TGFBR1: variants seen among roughly 807,000 people sequenced by gnomAD.
The protein encoded by TGFBR1 is transforming growth factor beta receptor 1.
TGFBR1 carries 20 observed loss-of-function variants against 55.1 expected under a neutral mutation model. The ratio of observed to expected loss-of-function variants is 0.36; its 90% CI spans 0.26 to 0.53. The LOEUF is 0.53. TGFBR1 is among the 20% of genes least tolerant of loss of function. TGFBR1 has a pLI of 0.91. For synonymous variants in TGFBR1, 220 were observed against 214.8 expected, an observed-to-expected ratio of 1.02 and a Z score of -0.21; for missense variants, 385 against 617.6, an observed-to-expected ratio of 0.62 and a Z score of 3.99.
intron 1 of TGFBR1, among the ~76,000 whole-genome samples, chr9:99,105,604 G>T (rs1826389097): frequency 6.6e-6 from 1 of 151,904 alleles, no homozygotes; most frequent in African/African-American, 2.4e-5. Flanking sequence ...CGAGGTCCGG[G>T]GCTGCCCTCT....
At chr9:99,114,094 G>A (rs1413332922) in intron 1 of TGFBR1, among the ~76,000 whole-genome samples, 1 of 152,120 alleles carries the variant, frequency 6.6e-6, no homozygotes, top group Non-Finnish European at 1.5e-5. Context: ...GCAGTATCTT[G>A]TTGCTCCTGT....
intron 4 of TGFBR1, 122 bp downstream of exon 4, chr9:99,138,211 C>G: frequency 2.4e-6 from 2 of 848,974 alleles, no homozygotes; most frequent in Non-Finnish European, 3.8e-6. Flanking sequence ...TAGATTAGAC[C>G]CATTAAGTCG....
rs1827955553 is a variant in TGFBR1, at chr9:99,150,583, G to C, written c.*1278G>C. On this transcript the variant is annotated 3_prime_UTR_variant, in exon 9 of 9. Transcript: ENST00000374994. Reference sequence around the variant, plus strand: ...AACGTTCGGTGGATCCTCTGTCTTTGTAACTGAGGTTAGAGCTAGTGTGGT... The same window carrying C: ...AACGTTCGGTGGATCCTCTGTCTTTCTAACTGAGGTTAGAGCTAGTGTGGT... The C allele has an allele frequency of 4.6e-6, 1 of 215,690 alleles. No individual in the cohort carries two copies. The highest frequency in any genetic ancestry group is 2.3e-5 in the African/African-American group (1 of 44,434). The allele number at this position is 215,690 out of a possible 1,614,324, so 13.4% of individuals were successfully genotyped here. A position where few individuals can be genotyped will look rare whatever the true frequency, so the allele number is the denominator to read the frequency against.
intron 6 of TGFBR1, among the ~76,000 whole-genome samples, chr9:99,145,443 G>T (rs1422053136): frequency 6.6e-6 from 1 of 152,142 alleles, no homozygotes; most frequent in Non-Finnish European, 1.5e-5. Context: ...GACCGTTGAG[G>T]CACTTATGCG....
At chr9:99,127,940 G>C in intron 1 of TGFBR1, 1 of 455,998 alleles carries the variant, frequency 2.2e-6, no homozygotes, top group Middle Eastern at 3.3e-4. Flanking sequence ...GACTAATACA[G>C]GTATCTGGCC....
chr9:99,129,761 A>G (rs1017467608), intron 2 of TGFBR1, among the ~76,000 whole-genome samples: 2 of 152,126 alleles, frequency 1.3e-5, no homozygotes, highest in Admixed American at 6.5e-5. Flanking sequence ...TTAGCTGGGC[A>G]TGGTGGCACA....
rs1827275113 is a variant in TGFBR1, at chr9:99,132,630, C to G, written c.465C>G (p.His155Gln). ...TCTGCCACAACCGCACTGTCATTCA[C>G]CATCGAGTGCCAAATGAAGAGGACC... ...VYICHNRTVIHHRVPNEEDPS... is the reference protein window; with the variant it reads ...VYICHNRTVIQHRVPNEEDPS... Residue 155 changes from histidine (H) to glutamine (Q), a missense_variant, in exon 3 of 9, where the codon CAC (histidine) becomes CAG (glutamine). By Grantham distance (24) the His-to-Gln change is conservative. Transcript: ENST00000374994. 1 of 1,614,186 alleles carries G rather than the reference C, an allele frequency of 6.2e-7. No individual in the cohort carries two copies. The highest frequency in any genetic ancestry group is 1.3e-5 in the African/African-American group (1 of 75,052).
At position 99,132,688 on chromosome 9, in the gene TGFBR1, A is replaced by T. The variant is rs201137894; in HGVS notation, c.523A>T (p.Thr175Ser). The T allele has an allele frequency of 1.9e-6, 3 of 1,614,162 alleles. No homozygotes were observed. The highest frequency in any genetic ancestry group is 2.5e-6 in the Non-Finnish European group (3 of 1,180,000). ...AGATCGCCCTTTTATTTCAGAGGGT[A>T]CTACGTTGAAAGACTTAATTTATGA... is the stretch of plus-strand genomic sequence containing the variant. ...SLDRPFISEGTTLKDLIYDMT... is the reference protein window; with the variant it reads ...SLDRPFISEGSTLKDLIYDMT... Residue 175 changes from threonine (T) to serine (S), a missense_variant, in exon 3 of 9, where the codon ACT becomes TCT. Physicochemically the swap from Thr to Ser is moderately conservative, Grantham distance 58 (BLOSUM62 1). Coordinates refer to ENST00000374994, the MANE Select transcript of TGFBR1 (RefSeq NM_004612.4).
intron 1 of TGFBR1, among the ~76,000 whole-genome samples, chr9:99,111,270 A>G (rs1275970607): frequency 6.9e-6 from 1 of 145,852 alleles, no homozygotes; most frequent in Non-Finnish European, 1.5e-5. Flanking sequence ...GCCATTATTA[A>G]CATTTGGCAT....
rs745324433 is a variant in TGFBR1, at chr9:99,132,692, C to T, written c.527C>T (p.Thr176Met). 23 of 1,614,090 alleles carry T rather than the reference C, an allele frequency of 1.4e-5. 2 individuals carry two copies. The highest frequency in any genetic ancestry group is 7.7e-5 in the South Asian group (7 of 91,078). The change falls in exon 3 of 9, where the codon ACG (threonine) becomes ATG (methionine). Residue 176 changes from threonine (T) to methionine (M), a missense_variant. Physicochemically the swap from Thr to Met is moderately conservative, Grantham distance 81. Around this residue, in one of 5 missense-constraint regions of TGFBR1, gnomAD observed 146 missense variants for 167.7 expected, o/e 0.87. Coordinates refer to ENST00000374994, the MANE Select transcript of TGFBR1 (RefSeq NM_004612.4). Reference protein sequence around the residue: ...LDRPFISEGTTLKDLIYDMTT... With the variant: ...LDRPFISEGTMLKDLIYDMTT... ...CGCCCTTTTATTTCAGAGGGTACTA[C>T]GTTGAAAGACTTAATTTATGATATG...
chr9:99,118,417 C>G (rs546835913), intron 1 of TGFBR1, among the ~76,000 whole-genome samples: 1 of 152,258 alleles, frequency 6.6e-6, no homozygotes, highest in South Asian at 2.1e-4. Context: ...GACAGTCATG[C>G]AACATTAAAT....
At position 99,146,587 on chromosome 9, in the gene TGFBR1, T is replaced by C; in HGVS notation, c.1233T>C (p.Ile411=). The C allele has an allele frequency of 6.2e-7, 1 of 1,613,976 alleles. No individual in the cohort carries two copies. The highest frequency in any genetic ancestry group is 1.7e-4 in the Middle Eastern group (1 of 6,056). ...CAATGGGCTTAGTATTCTGGGAAAT[T>C]GCTCGACGATGTTCCATTGGTGGTA... The part of the protein sequence containing the change: ...IYAMGLVFWE[I]ARRCSIGGIH... The change falls in exon 7 of 9, where the codon ATT becomes ATC. Residue 411 remains isoleucine, a synonymous_variant. Coordinates refer to ENST00000374994, the MANE Select transcript of TGFBR1 (RefSeq NM_004612.4).
Position 99,150,260 on chromosome 9 carries a change from T to G in TGFBR1, c.*955T>G, listed in dbSNP as rs1241290999. The G allele has an allele frequency of 5.1e-6, 1 of 194,422 alleles. No individual in the cohort carries two copies. Among genetic ancestry groups the G allele is most frequent in the Non-Finnish European group, 1.1e-5 (1 of 93,076 alleles). The allele number at this position is 194,422 out of a possible 1,614,324, so 12.0% of individuals were successfully genotyped here. ...TTAATTGTGTTGTCTAAGTATACTT[T>G]TAAAAAATCAAGTGGCACTCTAGAT... On this transcript the variant is annotated 3_prime_UTR_variant, in exon 9 of 9. Coordinates refer to ENST00000374994, the MANE Select transcript of TGFBR1 (RefSeq NM_004612.4).
intron 3 of TGFBR1, among the ~76,000 whole-genome samples, chr9:99,134,785 G>T: frequency 9.5e-6 from 1 of 105,676 alleles, no homozygotes; most frequent in African/African-American, 3.6e-5. Flanking sequence ...AGAAACAATG[G>T]AATAATTCTG....
intron 1 of TGFBR1, among the ~76,000 whole-genome samples, chr9:99,108,626 A>G (rs758178672): frequency 2.2e-4 from 33 of 152,050 alleles, no homozygotes; most frequent in Non-Finnish European, 3.5e-4. Flanking sequence ...GGATTTGATG[A>G]GTGTGAAAGT....
chr9:99,128,634 A>C, intron 1 of TGFBR1: 2 of 693,650 alleles, frequency 2.9e-6, no homozygotes, highest in Non-Finnish European at 5.0e-6. Flanking sequence ...ACCTGGGTCC[A>C]AATGTTGCTA....
At chr9:99,147,888 CT>C in intron 8 of TGFBR1, 104 bp downstream of exon 8, 1 of 1,387,680 alleles carries the variant, frequency 7.2e-7, no homozygotes, top group Non-Finnish European at 1.0e-6. Flanking sequence ...TAAGAATTTT[CT>C]TTTTCATAGC....
chr9:99,123,369 A>G (rs140186473), intron 1 of TGFBR1, among the ~76,000 whole-genome samples: 133 of 152,260 alleles, frequency 8.7e-4, no homozygotes, highest in African/African-American at 3.0e-3. Flanking sequence ...GGGCATGGAA[A>G]CAAAGTTGGA....
chr9:99,128,733 CAACA>C, intron 1 of TGFBR1, 118 bp from the exon 2 acceptor site: 1 of 1,335,446 alleles, frequency 7.5e-7, no homozygotes. Context: ...CTTCTAAGAG[CAACA>C]AACAGTGCAT....
Sources: gnomAD v4.1 joint callset for allele counts (sites outside exome capture counted in the v4.1 genomes callset) on GRCh38, gnomAD v4.1.1 for gene constraint, gnomAD v4.1.1 regional missense constraint, MANE v1.5 for transcripts, NCBI Gene and HGNC (gene_info 2026-07-23, HGNC 2026-07-21) for gene names.